Variants in DTNA observed in about 807,000 individuals in gnomAD.
The protein encoded by DTNA is dystrobrevin alpha, also known as dystrophin-related protein 3.
DTNA carries 43 observed loss-of-function variants against 100.7 expected under a neutral mutation model. The observed-to-expected ratio is 0.43, with a 90% CI of 0.33 to 0.55. The LOEUF is 0.55. Among genes scored for constraint, DTNA ranks in the 20% least tolerant of loss-of-function variants. The pLI is 0.04. For missense variants in DTNA, 798 were observed against 953.9 expected, an observed-to-expected ratio of 0.84 and a Z score of 2.15; for synonymous variants, 349 against 347.9, an observed-to-expected ratio of 1.00 and a Z score of -0.04.
intron 1 of DTNA, among the ~76,000 whole-genome samples, chr18:34,511,431 C>T (rs2041082029): frequency 6.6e-6 from 1 of 151,956 alleles, no homozygotes; most frequent in Non-Finnish European, 1.5e-5. Flanking sequence ...ACAGAGCCAC[C>T]AAAAGGTAGA....
At chr18:34,642,641 C>T (rs2059415881) in intron 1 of DTNA, among the ~76,000 whole-genome samples, 1 of 151,970 alleles carries the variant, frequency 6.6e-6, no homozygotes, top group Non-Finnish European at 1.5e-5. Context: ...TCACTGCGAC[C>T]TCCGACTCCC....
rs758171688 is a variant in DTNA, at chr18:34,882,080, A to T, written c.2174A>T (p.Asp725Val). The T allele has an allele frequency of 6.2e-7, 1 of 1,614,104 alleles. No individual in the cohort carries two copies. The highest frequency in any genetic ancestry group is 1.1e-5 in the South Asian group (1 of 91,078). The change falls in exon 21 of 23, where the codon GAT becomes GTT. Residue 725 changes from aspartate to valine, a missense_variant. Physicochemically the swap from Asp to Val is radical, Grantham distance 152. Coordinates refer to ENST00000444659, the MANE Select transcript of DTNA (RefSeq NM_001386795.1). ...STMRGDMVTE[D>V]ADPYVQPEDE... Reference sequence around the variant, plus strand: ...TGGTTTATTTTCAGGGTTACGGAGGATGCAGATCCCTATGTGCAGCCTGAA... The same window carrying T: ...TGGTTTATTTTCAGGGTTACGGAGGTTGCAGATCCCTATGTGCAGCCTGAA...
At chr18:34,798,418 G>GAA (rs879568925) in intron 4 of DTNA, among the ~76,000 whole-genome samples, 4 of 147,030 alleles carry the variant, frequency 2.7e-5, no homozygotes, top group African/African-American at 5.0e-5. Context: ...CTGCTCCACA[G>GAA]AAAAAAAAAA....
chr18:34,831,162 G>A (rs541923981), intron 11 of DTNA, among the ~76,000 whole-genome samples: 1 of 152,238 alleles, frequency 6.6e-6, no homozygotes, highest in South Asian at 2.1e-4. Flanking sequence ...TTAATGTCAA[G>A]TAAGCTTCTT....
intron 1 of DTNA, among the ~76,000 whole-genome samples, chr18:34,525,206 G>A (rs979413156): frequency 1.3e-5 from 2 of 152,042 alleles, no homozygotes; most frequent in African/African-American, 4.8e-5. Flanking sequence ...GAGTGAATAA[G>A]TACTCCACTC....
chr18:34,761,479 G>A (rs765795027), intron 2 of DTNA, among the ~76,000 whole-genome samples: 3 of 152,094 alleles, frequency 2.0e-5, no homozygotes, highest in Non-Finnish European at 2.9e-5. Context: ...GTAGGGAAAA[G>A]GTGGAAGGAA....
At chr18:34,676,971 T>G (rs1189300163) in intron 1 of DTNA, among the ~76,000 whole-genome samples, 1 of 152,156 alleles carries the variant, frequency 6.6e-6, no homozygotes, top group African/African-American at 2.4e-5. Flanking sequence ...CACTAGCAGC[T>G]TGGGAAGCTG....
intron 1 of DTNA, among the ~76,000 whole-genome samples, chr18:34,716,821 A>G (rs1416885149): frequency 6.6e-6 from 1 of 152,174 alleles, no homozygotes; most frequent in Non-Finnish European, 1.5e-5. Flanking sequence ...ACCCATGTAT[A>G]TGTGTTTGTC....
intron 4 of DTNA, among the ~76,000 whole-genome samples, chr18:34,800,942 C>T (rs886970326): frequency 3.3e-5 from 5 of 152,142 alleles, no homozygotes; most frequent in Non-Finnish European, 7.3e-5. Context: ...CAGTATGTCT[C>T]TTTATAAGAT....
In DTNA at chr18:34,710,426, G is replaced by A. The variant is rs1351009805; in HGVS notation, c.-21G>A. On this transcript the variant is annotated 5_prime_UTR_variant, in exon 1 of 23. Coordinates refer to ENST00000444659, the MANE Select transcript of DTNA (RefSeq NM_001386795.1). Reference sequence around the variant, plus strand: ...AGGAAGAATTAAGGGGCATGTTGGTGCATTTAACTACAAAACCAGGTAAGG... The same window carrying A: ...AGGAAGAATTAAGGGGCATGTTGGTACATTTAACTACAAAACCAGGTAAGG... 1 of 152,142 alleles carries A rather than the reference G, an allele frequency of 6.6e-6. No homozygotes were observed. The highest frequency in any genetic ancestry group is 1.5e-5 in the Non-Finnish European group (1 of 68,034). The allele number at this position is 152,142 out of a possible 1,614,324, so 9.4% of individuals were successfully genotyped here. A position where few individuals can be genotyped will look rare whatever the true frequency, so the allele number is the denominator to read the frequency against.
chr18:34,581,621 G>GTTTTT (rs760995588), intron 1 of DTNA, among the ~76,000 whole-genome samples: 4 of 110,372 alleles, frequency 3.6e-5, no homozygotes, highest in African/African-American at 7.7e-5. Flanking sequence ...CCCCTAGTTA[G>GTTTTT]TTTTTTTTTT....
intron 1 of DTNA, among the ~76,000 whole-genome samples, chr18:34,494,675 G>GAC (rs2038985309): frequency 6.6e-6 from 1 of 152,022 alleles, no homozygotes; most frequent in South Asian, 2.1e-4. Flanking sequence ...AGGGGGAGGG[G>GAC]GCAGGGGAGG....
chr18:34,852,987 T>C (rs73949016), intron 15 of DTNA, among the ~76,000 whole-genome samples: 4,368 of 152,248 alleles, frequency 0.029, 212 homozygotes, highest in African/African-American at 0.098. Flanking sequence ...ACGGAAGTTC[T>C]TTGAGAACAG....
intron 1 of DTNA, among the ~76,000 whole-genome samples, chr18:34,624,414 C>T (rs890957017): frequency 3.9e-5 from 6 of 152,062 alleles, no homozygotes; most frequent in African/African-American, 7.2e-5. Flanking sequence ...ATAGCAACTG[C>T]CCCTTAAGTA....
At chr18:34,853,459 G>C (rs1603247032) in intron 15 of DTNA, among the ~76,000 whole-genome samples, 1 of 152,234 alleles carries the variant, frequency 6.6e-6, no homozygotes, top group East Asian at 1.9e-4. Flanking sequence ...GCAAACTCTG[G>C]TTGGCACTTT....
At chr18:34,503,305 T>TTTTG (rs2040136117) in intron 1 of DTNA, among the ~76,000 whole-genome samples, 1 of 99,534 alleles carries the variant, frequency 1.0e-5, no homozygotes, top group Non-Finnish European at 2.1e-5. Flanking sequence ...TTTTTTTTTT[T>TTTTG]GAGACAGAGT....
chr18:34,565,203 C>A (rs974068021), intron 1 of DTNA, among the ~76,000 whole-genome samples: 27 of 152,296 alleles, frequency 1.8e-4, no homozygotes, highest in Non-Finnish European at 3.7e-4. Flanking sequence ...TGCTATTTCT[C>A]TAGCCAGTAA....
At chr18:34,746,239 C>A (rs2091561397) in intron 1 of DTNA, among the ~76,000 whole-genome samples, 1 of 151,568 alleles carries the variant, frequency 6.6e-6, no homozygotes, top group South Asian at 2.1e-4. Flanking sequence ...CCTAATCCTG[C>A]AGATTATTTG....
intron 1 of DTNA, among the ~76,000 whole-genome samples, chr18:34,499,364 A>G (rs2039643869): frequency 6.6e-6 from 1 of 152,196 alleles, no homozygotes; most frequent in South Asian, 2.1e-4. Context: ...CATGAGCTAT[A>G]GCTTGTTTAA....
Sources: gnomAD v4.1 joint callset for allele counts (sites outside exome capture counted in the v4.1 genomes callset) on GRCh38, gnomAD v4.1.1 for gene constraint, MANE v1.5 for transcripts, NCBI Gene and HGNC (gene_info 2026-07-23, HGNC 2026-07-21) for gene names.